The following EXOSC10 variants were observed in gnomAD, a reference collection of about 807,000 sequenced individuals.
EXOSC10 encodes the protein exosome complex component 10.
EXOSC10 carries 94 observed loss-of-function variants against 126.6 expected under a neutral mutation model. That is an observed-to-expected ratio of 0.74 (90% CI 0.63 to 0.88). The LOEUF (loss-of-function observed/expected upper bound fraction) is 0.88. Among genes scored for constraint, EXOSC10 ranks in the 40% least tolerant of loss-of-function variants. The probability of loss-of-function intolerance (pLI) is 0.00; values close to 1 mark genes in which losing one functional copy is unlikely to be tolerated. For synonymous variants in EXOSC10, 395 were observed against 400.8 expected (o/e 0.99, Z 0.17); for missense variants, 1,041 against 1,100.5 (o/e 0.95, Z 0.77).
At chr1:11,095,993 T>C in intron 2 of EXOSC10, 112 bp from the exon 3 acceptor site, 2 of 1,280,452 alleles carry the variant, frequency 1.6e-6, no homozygotes, top group Middle Eastern at 2.0e-4. Flanking sequence ...CACATCTTTT[T>C]TTTTTTTTTT....
intron 6 of EXOSC10, among the ~76,000 whole-genome samples, chr1:11,088,918 TAA>T (rs1016045927): frequency 2.6e-5 from 4 of 152,212 alleles, no homozygotes; most frequent in Non-Finnish European, 4.4e-5. Flanking sequence ...TTTTCTTTAC[TAA>T]ATTCATAAAT....
rs755002258 is a variant in EXOSC10, at chr1:11,076,798, C to T, written c.1986+44G>A. On this transcript the variant is annotated intron_variant, in intron 17 of 24. Transcript: ENST00000376936. ...GCCTGCTGAATAAATCCAGTAAATC[C>T]CAGGGGGTCCTCATCACCTCAGTGA... 14 of 1,425,268 alleles carry T rather than the reference C, an allele frequency of 9.8e-6. No individual in the cohort carries two copies. The South Asian group carries it at 1.6e-4, about 16-fold the overall frequency. 88.3% of individuals were successfully genotyped at this position (1,425,268 alleles called of 1,614,324 possible). A position where few individuals can be genotyped will look rare whatever the true frequency, so the allele number is the denominator to read the frequency against.
intron 21 of EXOSC10, 132 bp downstream of exon 21, chr1:11,070,768 T>C (rs1267863910): frequency 1.3e-6 from 1 of 759,200 alleles, no homozygotes; most frequent in Non-Finnish European, 2.2e-6. Context: ...ATAGCCAAGC[T>C]AAGGTGAACC....
At chr1:11,073,323 G>C (rs933115801) in intron 19 of EXOSC10, among the ~76,000 whole-genome samples, 1 of 151,886 alleles carries the variant, frequency 6.6e-6, no homozygotes, top group Non-Finnish European at 1.5e-5. Context: ...TAGTAGAGAC[G>C]GGGTTTCACC....
intron 9 of EXOSC10, among the ~76,000 whole-genome samples, chr1:11,083,614 TA>T (rs201897981): frequency 6.7e-6 from 1 of 150,004 alleles, no homozygotes; most frequent in East Asian, 2.0e-4. Flanking sequence ...TTTTTTAAGT[TA>T]AAAAAATTTT....
chr1:11,090,244 G>A (rs548482844), intron 6 of EXOSC10, among the ~76,000 whole-genome samples: 11 of 152,044 alleles, frequency 7.2e-5, no homozygotes, highest in Non-Finnish European at 1.6e-4. Flanking sequence ...GTGATCCACC[G>A]GTCTCAGCCT....
At chr1:11,099,697 A>C (rs1343409794) in intron 1 of EXOSC10, 24 bp downstream of exon 1, 2 of 1,578,048 alleles carry the variant, frequency 1.3e-6, no homozygotes, top group Non-Finnish European at 1.7e-6. Flanking sequence ...GACTCCTGGT[A>C]CCCCCGAGGC....
Position 11,082,838 on chromosome 1 carries a change from T to C in EXOSC10, c.1130A>G (p.Lys377Arg). The C allele has an allele frequency of 1.2e-6, 2 of 1,614,194 alleles. No homozygotes were observed. The highest frequency in any genetic ancestry group is 1.7e-6 in the Non-Finnish European group (2 of 1,180,032). ...GADSDIEWLQKDFGLYVVNMF... is the reference protein window; with the variant it reads ...GADSDIEWLQRDFGLYVVNMF... The stretch of plus-strand genomic sequence containing the variant: ...GTTTACTACATACAACCCAAAGTCT[T>C]TCTGTAGCCATTCTATGTCTGAATC... The change falls in exon 10 of 25, where the codon AAA becomes AGA. Residue 377 changes from lysine to arginine, a missense_variant. Physicochemically the swap from Lys to Arg is conservative, Grantham distance 26 (BLOSUM62 2). Around this residue, in one of 3 missense-constraint regions of EXOSC10, gnomAD observed 645 missense variants for 656.3 expected, o/e 0.98. Transcript: ENST00000376936.
chr1:11,096,990 G>A (rs1641135846), intron 2 of EXOSC10, among the ~76,000 whole-genome samples: 1 of 151,568 alleles, frequency 6.6e-6, no homozygotes, highest in South Asian at 2.1e-4. Flanking sequence ...GAGGTGGGTG[G>A]ATCACAAGGT....
Position 11,080,563 on chromosome 1 carries a change from AACACACACACACACACAC to A in EXOSC10, c.1587-32_1587-15del, listed in dbSNP as rs70977543. ...GGCAGTACATATCTGGAAAAAAAAAAACACACACACACACACACACACACACACACACACACACACACG... is the reference window on the plus strand; with the variant it reads ...GGCAGTACATATCTGGAAAAAAAAAAACACACACACACACACACACACACG... On this transcript the variant is annotated splice_polypyrimidine_tract_variant and intron_variant, in intron 12 of 24. Coordinates refer to ENST00000376936, the MANE Select transcript of EXOSC10 (RefSeq NM_001001998.3). 3 of 1,422,632 alleles carry A rather than the reference AACACACACACACACACAC, an allele frequency of 2.1e-6. No individual in the cohort carries two copies. Among genetic ancestry groups the A allele is most frequent in the Non-Finnish European group, 1.9e-6 (2 of 1,053,872 alleles). 88.1% of individuals were successfully genotyped at this position (1,422,632 alleles called of 1,614,324 possible).
intron 14 of EXOSC10, among the ~76,000 whole-genome samples, chr1:11,078,820 T>C (rs1291478966): frequency 6.6e-6 from 1 of 152,156 alleles, no homozygotes; most frequent in East Asian, 1.9e-4. Flanking sequence ...AACAGTGAAT[T>C]GGCCCAGTTA....
intron 16 of EXOSC10, 56 bp from the exon 17 acceptor site, chr1:11,077,004 TTTTTGAGATGGAGTTTTAG>T (rs1639855675): frequency 7.0e-7 from 1 of 1,422,328 alleles, no homozygotes; most frequent in African/African-American, 1.4e-5. Flanking sequence ...TTATTTTTTC[TTTTTGAGATGGAGTTTTAG>T]TGTAGTCCCC....
chr1:11,085,737 G>A lies in EXOSC10; in HGVS notation c.1089+1711C>T, dbSNP rs12127346. On this transcript the variant is annotated intron_variant, in intron 9 of 24. Transcript: ENST00000376936. ...AATGCTTCCAGTTTTTGCCCATTCAGTATGATATTGGCTGTGGGTTTGTCA... is the reference window on the plus strand; with the variant it reads ...AATGCTTCCAGTTTTTGCCCATTCAATATGATATTGGCTGTGGGTTTGTCA... Among the ~76,000 whole-genome samples the A allele has an allele frequency of 1.4e-3, 220 of 151,806 alleles. 2 individuals are homozygous for A. The highest frequency in any genetic ancestry group is 2.2e-3 in the Non-Finnish European group (149 of 67,828).
At chr1:11,098,930 C>G (rs1570874286) in intron 1 of EXOSC10, among the ~76,000 whole-genome samples, 1 of 152,074 alleles carries the variant, frequency 6.6e-6, no homozygotes, top group Non-Finnish European at 1.5e-5. Flanking sequence ...AATTAAGTCA[C>G]GGAGGGGAAC....
intron 24 of EXOSC10, among the ~76,000 whole-genome samples, chr1:11,067,395 G>A (rs180835731): frequency 6.2e-4 from 93 of 150,292 alleles, no homozygotes; most frequent in African/African-American, 2.1e-3. Flanking sequence ...TCGTGCCACT[G>A]CACTCCAGCC....
intron 14 of EXOSC10, among the ~76,000 whole-genome samples, chr1:11,079,396 CTT>C (rs553168628): frequency 4.6e-5 from 6 of 131,548 alleles, no homozygotes; most frequent in Non-Finnish European, 3.2e-5. Context: ...AGTAGAAAAT[CTT>C]TTTTTTTTTT....
chr1:11,070,833 A>C, intron 21 of EXOSC10, 67 bp downstream of exon 21: 2 of 1,408,346 alleles, frequency 1.4e-6, no homozygotes, highest in South Asian at 2.4e-5. Flanking sequence ...AAGATATCCA[A>C]GGAAGATCCT....
At chr1:11,078,569 AAAC>A (rs199724226) in intron 14 of EXOSC10, among the ~76,000 whole-genome samples, 16 of 152,186 alleles carry the variant, frequency 1.1e-4, no homozygotes, top group South Asian at 8.3e-4. Flanking sequence ...CCCTGTTTCA[AAAC>A]AACAACAACA....
Position 11,098,139 on chromosome 1 carries a change from C to A in EXOSC10, c.129G>T (p.Val43=). 6.2e-7 allele frequency: 1 copy of A among 1,607,978 alleles called. No individual in the cohort carries two copies. Among genetic ancestry groups the A allele is most frequent in the Non-Finnish European group, 8.5e-7 (1 of 1,178,396 alleles). The change falls in exon 2 of 25, where the codon GTG becomes GTT. Residue 43 remains valine, a synonymous_variant. Coordinates refer to ENST00000376936, the MANE Select transcript of EXOSC10 (RefSeq NM_001001998.3). ...CCCCAGATGCCTTGGTGACTGCCACCACGGACCCAAGAGCAAACTGTCAAA... is the reference window on the plus strand; with the variant it reads ...CCCCAGATGCCTTGGTGACTGCCACAACGGACCCAAGAGCAAACTGTCAAA... The part of the protein sequence containing the change: ...DSFVKFALGS[V]VAVTKASGGL...
Sources: gnomAD v4.1 joint callset for allele counts (sites outside exome capture counted in the v4.1 genomes callset) on GRCh38, gnomAD v4.1.1 for gene constraint, gnomAD v4.1.1 regional missense constraint, MANE v1.5 for transcripts, NCBI Gene and HGNC (gene_info 2026-07-23, HGNC 2026-07-21) for gene names.